The following RAG1 variants were observed in gnomAD, a reference collection of about 807,000 sequenced individuals.
RAG1 encodes the protein recombination activating 1, also known as V(D)J recombination-activating protein 1.
RAG1 carries 35 observed loss-of-function variants against 62.7 expected under a neutral mutation model. The observed-to-expected ratio is 0.56, with a 90% CI of 0.43 to 0.74. The LOEUF (loss-of-function observed/expected upper bound fraction) is 0.74, where lower values mean the gene tolerates loss of function less well. Ranked by LOEUF, RAG1 falls within the 30% of genes least tolerant of loss-of-function variation. The pLI is 0.00. For synonymous variants in RAG1, 461 were observed against 470.3 expected (o/e 0.98, Z 0.26); for missense variants, 1,169 against 1,278.6 (o/e 0.91, Z 1.31).
chr11:36,569,795 C>T (rs1216489461), intron 1 of RAG1, among the ~76,000 whole-genome samples: 1 of 152,106 alleles, frequency 6.6e-6, no homozygotes, highest in Non-Finnish European at 1.5e-5. Flanking sequence ...AGAAATTAAA[C>T]ACTGTTAAGA....
chr11:36,558,971 G>A (rs1050653428), intron 3 of RAG1, among the ~76,000 whole-genome samples: 1 of 152,166 alleles, frequency 6.6e-6, no homozygotes, highest in Non-Finnish European at 1.5e-5. Flanking sequence ...CCTGATGGTA[G>A]TTATTGCCCT....
Position 36,576,398 on chromosome 11 carries a change from G to C in RAG1, c.3094G>C (p.Glu1032Gln). 1 of 1,614,152 alleles carries C rather than the reference G, an allele frequency of 6.2e-7. No homozygotes were observed. Among genetic ancestry groups the C allele is most frequent in the Non-Finnish European group, 8.5e-7 (1 of 1,180,022 alleles). ...QASLGDPLGI[E>Q]DSLESQDSME... ...AAGCTTAGGGGACCCATTAGGCATA[G>C]AGGACTCTCTGGAAAGCCAAGATTC... Residue 1032 changes from glutamate (E) to glutamine (Q), a missense_variant, in exon 2 of 2, where the codon GAG (glutamate) becomes CAG (glutamine). Glu to Gln is a conservative substitution (Grantham distance 29, BLOSUM62 2). Around this residue, in one of 2 missense-constraint regions of RAG1, gnomAD observed 800 missense variants for 943.3 expected, o/e 0.85. Coordinates refer to ENST00000299440, the MANE Select transcript of RAG1 (RefSeq NM_000448.3).
chr11:36,530,512 A>G (rs1159020389), intron 2 of RAG1, among the ~76,000 whole-genome samples: 1 of 151,918 alleles, frequency 6.6e-6, no homozygotes, highest in South Asian at 2.1e-4. Context: ...CCTATGAGTT[A>G]TAAGTTGTAT....
chr11:36,531,075 A>G (rs966343077), intron 2 of RAG1, among the ~76,000 whole-genome samples: 1 of 151,436 alleles, frequency 6.6e-6, no homozygotes, highest in African/African-American at 2.4e-5. Flanking sequence ...TTTTTGCATT[A>G]TATAAGCTCC....
At chr11:36,541,924 CA>C (rs1203190215) in intron 3 of RAG1, among the ~76,000 whole-genome samples, 6 of 152,146 alleles carry the variant, frequency 3.9e-5, no homozygotes, top group Admixed American at 3.9e-4. Context: ...TATCAATAGG[CA>C]ATATCTGGGA....
At chr11:36,527,335 T>C (rs2133252352) in intron 2 of RAG1, among the ~76,000 whole-genome samples, 1 of 152,322 alleles carries the variant, frequency 6.6e-6, no homozygotes, top group East Asian at 1.9e-4. Flanking sequence ...ATTTATTAAA[T>C]AGGGAATCCC....
chr11:36,576,551 G>T lies in RAG1; in HGVS notation c.*115G>T. 1 of 1,302,568 alleles carries T rather than the reference G, an allele frequency of 7.7e-7. No individual in the cohort carries two copies. The highest frequency in any genetic ancestry group is 1.1e-6 in the Non-Finnish European group (1 of 909,172). 80.7% of individuals were successfully genotyped at this position (1,302,568 alleles called of 1,614,324 possible). A position where few individuals can be genotyped will look rare whatever the true frequency, so the allele number is the denominator to read the frequency against. Reference sequence around the variant, plus strand: ...TATGGGGCTTCACCATCCAAGAGGTGGTAGGTTGGAGTAAGATGCTACAGA... The same window carrying T: ...TATGGGGCTTCACCATCCAAGAGGTTGTAGGTTGGAGTAAGATGCTACAGA... On this transcript the variant is annotated 3_prime_UTR_variant, in exon 2 of 2. Coordinates refer to ENST00000299440, the MANE Select transcript of RAG1 (RefSeq NM_000448.3).
At chr11:36,527,590 C>A (rs1328001854) in intron 2 of RAG1, among the ~76,000 whole-genome samples, 2 of 152,004 alleles carry the variant, frequency 1.3e-5, no homozygotes, top group Non-Finnish European at 2.9e-5. Context: ...TCCATATGAA[C>A]TTTAAAGTAG....
At chr11:36,545,808 T>G (rs141366953) in intron 3 of RAG1, among the ~76,000 whole-genome samples, 8 of 152,340 alleles carry the variant, frequency 5.3e-5, no homozygotes, top group Non-Finnish European at 1.0e-4. Flanking sequence ...GTCTTTGTTC[T>G]CATTGGTTTC....
At position 36,576,130 on chromosome 11, in the gene RAG1, C is replaced by G; in HGVS notation, c.2826C>G (p.Thr942=). ...AAATCACCAATTATTTTCACAAAACCCTGGCCCATGTTCCTGAAATTATTG... is the reference window on the plus strand; with the variant it reads ...AAATCACCAATTATTTTCACAAAACGCTGGCCCATGTTCCTGAAATTATTG... The part of the protein sequence containing the change: ...EGKITNYFHK[T]LAHVPEIIER... The change falls in exon 2 of 2, where the codon ACC becomes ACG. Residue 942 remains threonine, a synonymous_variant. Coordinates refer to ENST00000299440, the MANE Select transcript of RAG1 (RefSeq NM_000448.3). 1.2e-6 allele frequency: 2 copies of G among 1,613,950 alleles called. No individual in the cohort carries two copies. Among genetic ancestry groups the G allele is most frequent in the Non-Finnish European group, 1.7e-6 (2 of 1,180,022 alleles).
At chr11:36,540,890 T>A (rs557399255), downstream of RAG1, among the ~76,000 whole-genome samples, 1 of 152,320 alleles carries the variant, frequency 6.6e-6, no homozygotes, top group East Asian at 1.9e-4. Context: ...GTTTAAATCC[T>A]CAAATTGGAC....
chr11:36,559,048 C>CT (rs1850545144), intron 3 of RAG1, among the ~76,000 whole-genome samples: 1 of 152,098 alleles, frequency 6.6e-6, no homozygotes, highest in South Asian at 2.1e-4. Flanking sequence ...GATAAATTTC[C>CT]TTTTTGCTTC....
intron 3 of RAG1, among the ~76,000 whole-genome samples, chr11:36,558,273 G>A (rs1298302514): frequency 6.6e-6 from 1 of 152,190 alleles, no homozygotes; most frequent in Non-Finnish European, 1.5e-5. Context: ...CATTCTATAA[G>A]TGTCTGTTAG....
chr11:36,513,416 G>C (rs1164783328), intron 1 of RAG1, among the ~76,000 whole-genome samples: 1 of 152,122 alleles, frequency 6.6e-6, no homozygotes, highest in East Asian at 1.9e-4. Flanking sequence ...CCAAACATTT[G>C]GAAATAAGAT....
At chr11:36,564,527 A>G (rs182154807), upstream of RAG1, among the ~76,000 whole-genome samples, 152 of 152,292 alleles carry the variant, frequency 1.0e-3, no homozygotes, top group Middle Eastern at 0.01. Flanking sequence ...CTGATAGTCA[A>G]GAATATAGGC....
intron 2 of RAG1, among the ~76,000 whole-genome samples, chr11:36,531,796 C>T (rs1860260733): frequency 6.6e-6 from 1 of 151,950 alleles, no homozygotes; most frequent in African/African-American, 2.4e-5. Context: ...CATTCAATAA[C>T]CTTTTTTCTT....
upstream of RAG1, chr11:36,567,367 T>C (rs923482261): frequency 6.6e-6 from 1 of 152,186 alleles, no homozygotes; most frequent in Non-Finnish European, 1.5e-5. Context: ...TTGCAGGTGA[T>C]GAGATTGAAG....
chr11:36,572,319 T>C, intron 1 of RAG1, among the ~76,000 whole-genome samples: 1 of 152,242 alleles, frequency 6.6e-6, no homozygotes, highest in East Asian at 1.9e-4. Context: ...ATGGCATTGT[T>C]TGACTTTTTT....
At chr11:36,528,627 G>T (rs962324707) in intron 2 of RAG1, among the ~76,000 whole-genome samples, 1 of 152,110 alleles carries the variant, frequency 6.6e-6, no homozygotes, top group African/African-American at 2.4e-5. Flanking sequence ...CCTAGCAGAA[G>T]ACAAGAAATA....
Sources: allele counts gnomAD v4.1 joint callset (sites outside exome capture counted in the v4.1 genomes callset), GRCh38; gene constraint gnomAD v4.1.1; regional missense constraint gnomAD v4.1.1; transcripts MANE v1.5; gene names NCBI Gene and HGNC (gene_info 2026-07-23, HGNC 2026-07-21).